The following GALNT1 variants were observed in gnomAD, a reference collection of about 807,000 sequenced individuals.
GALNT1 encodes the protein GalNAc transferase 1.
Under a neutral mutation model 65.7 loss-of-function variants are expected in GALNT1, and 17 were observed. The ratio of observed to expected loss-of-function variants is 0.26; its 90% CI spans 0.18 to 0.39. GALNT1 has a LOEUF of 0.39. GALNT1 is among the 10% of genes least tolerant of loss of function. GALNT1 has a pLI of 1.00. For missense variants in GALNT1, 460 were observed against 672.8 expected (o/e 0.68, Z 3.50); for synonymous variants, 210 against 219.7 (o/e 0.96, Z 0.39).
chr18:35,652,115 G>T (rs113117917), intron 1 of GALNT1, among the ~76,000 whole-genome samples: 2 of 151,830 alleles, frequency 1.3e-5, no homozygotes, highest in Non-Finnish European at 2.9e-5. Context: ...TTCCTGGTAC[G>T]GTTATGATCT....
intron 1 of GALNT1, among the ~76,000 whole-genome samples, chr18:35,648,747 G>T (rs2047270118): frequency 6.6e-6 from 1 of 152,106 alleles, no homozygotes; most frequent in African/African-American, 2.4e-5. Context: ...AGTTGATTGA[G>T]ATTGAATTTA....
intron 2 of GALNT1, among the ~76,000 whole-genome samples, chr18:35,657,448 A>G (rs1450466619): frequency 6.6e-6 from 1 of 152,158 alleles, no homozygotes; most frequent in Non-Finnish European, 1.5e-5. Flanking sequence ...GCAGTAGAGA[A>G]TGGTCGAGAT....
chr18:35,623,627 G>A (rs1314981482), intron 1 of GALNT1, among the ~76,000 whole-genome samples: 1 of 151,968 alleles, frequency 6.6e-6, no homozygotes, highest in East Asian at 1.9e-4. Flanking sequence ...TTTCAGATGG[G>A]ATAATTTCTT....
rs2048331918 is a variant in GALNT1 at position 35,710,222 on chromosome 18, AAG to A, written c.*454_*455del. On this transcript the variant is annotated 3_prime_UTR_variant, in exon 12 of 12. Transcript: ENST00000269195. ...ATATTAAATATTGATATAAAAATAA[AAG>A]AACTGGAACCAGATTCAGAATCATG... 1 of 153,648 alleles carries A rather than the reference AAG, an allele frequency of 6.5e-6. No homozygotes were observed. Among genetic ancestry groups the A allele is most frequent in the African/African-American group, 2.4e-5 (1 of 41,472 alleles). The allele number at this position is 153,648 out of a possible 1,614,324, so 9.5% of individuals were successfully genotyped here. A position where few individuals can be genotyped will look rare whatever the true frequency, so the allele number is the denominator to read the frequency against.
At chr18:35,609,317 ATC>A (rs35682629) in intron 1 of GALNT1, among the ~76,000 whole-genome samples, 15,595 of 152,178 alleles carry the variant, frequency 0.1, 869 homozygotes, top group Admixed American at 0.18. Flanking sequence ...GGTCAGTTAA[ATC>A]TCTGTCATTT....
At chr18:35,604,971 C>T (rs559425443) in intron 1 of GALNT1, among the ~76,000 whole-genome samples, 1 of 152,246 alleles carries the variant, frequency 6.6e-6, no homozygotes, top group Admixed American at 6.5e-5. Context: ...ACAGTAAAAA[C>T]AAGGATGTTG....
chr18:35,686,536 G>T (rs1283165476), intron 5 of GALNT1, among the ~76,000 whole-genome samples: 2 of 152,180 alleles, frequency 1.3e-5, no homozygotes, highest in Non-Finnish European at 2.9e-5. Flanking sequence ...GTAGGGTCTA[G>T]AAACCAGCTC....
At chr18:35,704,342 C>G (rs998451608) in intron 11 of GALNT1, among the ~76,000 whole-genome samples, 1 of 149,522 alleles carries the variant, frequency 6.7e-6, no homozygotes, top group Non-Finnish European at 1.5e-5. Flanking sequence ...CAGGGTCTTG[C>G]TCTGTCACCC....
intron 7 of GALNT1, 81 bp downstream of exon 7, chr18:35,689,371 A>C (rs2144646439): frequency 6.5e-5 from 53 of 809,850 alleles, no homozygotes; most frequent in Non-Finnish European, 6.1e-6. Context: ...TCTCTACATA[A>C]AAAATAAAAA....
intron 1 of GALNT1, among the ~76,000 whole-genome samples, chr18:35,638,249 A>G (rs2047117607): frequency 6.6e-6 from 1 of 152,194 alleles, no homozygotes. Flanking sequence ...CGACCAAGCG[A>G]TGGATGAACG....
rs751467082 is a variant in GALNT1 at position 35,683,534 on chromosome 18, G to T, written c.625G>T (p.Asp209Tyr). ...VSKGQVITFL[D>Y]AHCECTVGWL... ...TAAAGGCCAAGTGATCACCTTCCTG[G>T]ATGCCCATTGTGAGTGTACAGTGGG... is the stretch of plus-strand genomic sequence containing the variant. Residue 209 changes from aspartate (D) to tyrosine (Y), a missense_variant, in exon 5 of 12, where the codon GAT becomes TAT. Asp to Tyr is a radical substitution (Grantham distance 160). Transcript: ENST00000269195. The T allele has an allele frequency of 6.2e-7, 1 of 1,613,818 alleles. No individual in the cohort carries two copies. The highest frequency in any genetic ancestry group is 8.5e-7 in the Non-Finnish European group (1 of 1,179,830).
intron 1 of GALNT1, among the ~76,000 whole-genome samples, chr18:35,632,308 G>A (rs1249789758): frequency 3.3e-5 from 5 of 152,150 alleles, no homozygotes; most frequent in African/African-American, 1.2e-4. Flanking sequence ...TATACTACAA[G>A]GCTACAGTAA....
chr18:35,625,746 C>A (rs573800547), intron 1 of GALNT1, among the ~76,000 whole-genome samples: 1 of 152,122 alleles, frequency 6.6e-6, no homozygotes, highest in Admixed American at 6.6e-5. Context: ...AGAAACTGCT[C>A]CCCTGGTAGG....
intron 9 of GALNT1, among the ~76,000 whole-genome samples, chr18:35,696,951 G>T (rs988200870): frequency 5.3e-5 from 8 of 152,206 alleles, no homozygotes; most frequent in African/African-American, 1.9e-4. Context: ...GATTCTGGAG[G>T]AGACTAATAG....
intron 1 of GALNT1, among the ~76,000 whole-genome samples, chr18:35,610,456 C>A (rs1353029167): frequency 6.6e-6 from 1 of 152,162 alleles, no homozygotes; most frequent in Admixed American, 6.5e-5. Context: ...ACTATAGTTC[C>A]ATGAGAGCAG....
intron 1 of GALNT1, among the ~76,000 whole-genome samples, chr18:35,602,577 A>G (rs143540950): frequency 1.3e-5 from 2 of 151,566 alleles, no homozygotes; most frequent in African/African-American, 4.8e-5. Flanking sequence ...TTCTGACTGT[A>G]TTTTCCAATA....
intron 1 of GALNT1, among the ~76,000 whole-genome samples, chr18:35,609,544 C>G (rs564417032): frequency 6.6e-6 from 1 of 152,160 alleles, no homozygotes; most frequent in Non-Finnish European, 1.5e-5. Flanking sequence ...CACTGCTATG[C>G]ATGATAGTTT....
chr18:35,648,432 T>C (rs1367756756), intron 1 of GALNT1, among the ~76,000 whole-genome samples: 5 of 152,222 alleles, frequency 3.3e-5, no homozygotes, highest in Non-Finnish European at 5.9e-5. Flanking sequence ...GACTTTCGAC[T>C]TAAGATGTTT....
chr18:35,635,438 G>T (rs2047076328), intron 1 of GALNT1, among the ~76,000 whole-genome samples: 1 of 152,118 alleles, frequency 6.6e-6, no homozygotes, highest in East Asian at 1.9e-4. Context: ...CTGACTCACT[G>T]CCTGGAGCAT....
Sources: allele counts gnomAD v4.1 joint callset (sites outside exome capture counted in the v4.1 genomes callset), GRCh38; gene constraint gnomAD v4.1.1; transcripts MANE v1.5; gene names NCBI Gene and HGNC (gene_info 2026-07-23, HGNC 2026-07-21).